RAD54L2: variants seen among roughly 807,000 people sequenced by gnomAD.
RAD54L2 encodes RAD54 like 2, also known as helicase ARIP4.
Under a neutral mutation model 138.4 loss-of-function variants are expected in RAD54L2, and 27 were observed. The observed-to-expected ratio is 0.20, with a 90% CI of 0.14 to 0.27. RAD54L2 has a LOEUF of 0.27. Ranked by LOEUF, RAD54L2 falls within the 10% of genes least tolerant of loss-of-function variation. The probability of loss-of-function intolerance (pLI) is 1.00; values close to 1 mark genes in which losing one functional copy is unlikely to be tolerated. For synonymous variants in RAD54L2, 644 were observed against 723.2 expected, an observed-to-expected ratio of 0.89 and a Z score of 1.76; for missense variants, 1,396 against 1,890.2, an observed-to-expected ratio of 0.74 and a Z score of 4.85.
At chr3:51,619,102 G>A (rs1656517897) in intron 3 of RAD54L2, among the ~76,000 whole-genome samples, 1 of 152,194 alleles carries the variant, frequency 6.6e-6, no homozygotes, top group South Asian at 2.1e-4. Flanking sequence ...CTGTTGCCCA[G>A]GCTGGAGTGC....
intron 3 of RAD54L2, among the ~76,000 whole-genome samples, chr3:51,595,263 C>T (rs1699936778): frequency 6.6e-6 from 1 of 152,114 alleles, no homozygotes; most frequent in Admixed American, 6.6e-5. Flanking sequence ...CAGGGAGGAT[C>T]AGTTAGGTCT....
intron 2 of RAD54L2, among the ~76,000 whole-genome samples, chr3:51,559,675 T>C (rs975500075): frequency 6.6e-6 from 1 of 152,222 alleles, no homozygotes; most frequent in African/African-American, 2.4e-5. Context: ...TGGGTAAAAC[T>C]GTATCCCAGC....
chr3:51,649,129 A>C (rs1701362212), intron 19 of RAD54L2, among the ~76,000 whole-genome samples: 1 of 152,046 alleles, frequency 6.6e-6, no homozygotes, highest in South Asian at 2.1e-4. Context: ...GGAGCTGAAA[A>C]CCATGGCACG....
rs529239049 is a variant in RAD54L2, at chr3:51,622,075, A to T, written c.140-5478A>T. 6.6e-5 allele frequency among the ~76,000 whole-genome samples: 10 copies of T among 152,324 alleles called. No individual in the cohort carries two copies. In the South Asian group the frequency reaches 2.1e-3, roughly 32 times the overall value. ...GGGGTAGAGGGCCAGAAAGAATGAT[A>T]GTTCTTTTAAAGGAAAACAGGGAAT... On this transcript the variant is annotated intron_variant, in intron 3 of 22. Coordinates refer to ENST00000684192, the MANE Select transcript of RAD54L2 (RefSeq NM_015106.4).
At chr3:51,572,385 G>A (rs1699356110) in intron 2 of RAD54L2, among the ~76,000 whole-genome samples, 1 of 151,518 alleles carries the variant, frequency 6.6e-6, no homozygotes, top group Non-Finnish European at 1.5e-5. Flanking sequence ...CCCAAAAGAT[G>A]GAGGCTGCAG....
At chr3:51,652,514 C>G (rs1701467719) in intron 19 of RAD54L2, among the ~76,000 whole-genome samples, 1 of 152,194 alleles carries the variant, frequency 6.6e-6, no homozygotes, top group Non-Finnish European at 1.5e-5. Flanking sequence ...ATCATGCTAC[C>G]TGACTTCAAA....
chr3:51,604,049 G>A (rs1301619816), intron 3 of RAD54L2, among the ~76,000 whole-genome samples: 1 of 152,186 alleles, frequency 6.6e-6, no homozygotes, highest in Non-Finnish European at 1.5e-5. Context: ...ATGATAGCTT[G>A]GTGGAGGTGG....
intron 2 of RAD54L2, among the ~76,000 whole-genome samples, chr3:51,589,270 C>T (rs760384063): frequency 3.9e-5 from 6 of 152,150 alleles, no homozygotes; most frequent in Non-Finnish European, 8.8e-5. Flanking sequence ...GTTGTATGTG[C>T]CTGTCGTCCT....
At chr3:51,591,426 G>A (rs967350478) in intron 3 of RAD54L2, among the ~76,000 whole-genome samples, 2 of 152,146 alleles carry the variant, frequency 1.3e-5, no homozygotes, top group African/African-American at 2.4e-5. Context: ...GTAGGAAAAT[G>A]TACTCCTGCC....
chr3:51,661,336 AAT>A (rs1249762353), intron 22 of RAD54L2, among the ~76,000 whole-genome samples: 2 of 152,228 alleles, frequency 1.3e-5, no homozygotes, highest in East Asian at 3.8e-4. Context: ...ACTCACCAGT[AAT>A]AGTTTATTCC....
At chr3:51,585,853 A>C (rs1699696327) in intron 2 of RAD54L2, among the ~76,000 whole-genome samples, 1 of 152,130 alleles carries the variant, frequency 6.6e-6, no homozygotes. Context: ...CAGAACTTGC[A>C]CTGTAAGAAC....
intron 2 of RAD54L2, among the ~76,000 whole-genome samples, chr3:51,585,196 A>C (rs1376954351): frequency 6.6e-6 from 1 of 152,162 alleles, no homozygotes; most frequent in East Asian, 1.9e-4. Flanking sequence ...AAGAAAAAAA[A>C]CAAGTCATTT....
At chr3:51,650,018 A>G (rs1701388145) in intron 19 of RAD54L2, among the ~76,000 whole-genome samples, 1 of 152,246 alleles carries the variant, frequency 6.6e-6, no homozygotes, top group Admixed American at 6.5e-5. Flanking sequence ...AACACCCATC[A>G]GTGTGCTGTA....
chr3:51,620,172 C>G (rs1700536975), intron 3 of RAD54L2, among the ~76,000 whole-genome samples: 1 of 151,792 alleles, frequency 6.6e-6, no homozygotes, highest in Non-Finnish European at 1.5e-5. Context: ...ACCTTGGCTC[C>G]CTGTAGCCTC....
intron 3 of RAD54L2, among the ~76,000 whole-genome samples, chr3:51,593,602 C>T (rs140962367): frequency 3.0e-4 from 46 of 152,126 alleles, no homozygotes; most frequent in Non-Finnish European, 5.9e-4. Flanking sequence ...AAAGTGCTGG[C>T]ATTACAGGCG....
chr3:51,633,723 C>A lies in RAD54L2; in HGVS notation c.972C>A (p.Arg324=), dbSNP rs1236836907. Residue 324 remains arginine, a synonymous_variant, in exon 8 of 23, where the codon CGC becomes CGA. Coordinates refer to ENST00000684192, the MANE Select transcript of RAD54L2 (RefSeq NM_015106.4). ...TCTCTTTCATCGACGTCCTCTTCCGCCACACGCCAGCCAAAACAGTCCTTG... is the reference window on the plus strand; with the variant it reads ...TCTCTTTCATCGACGTCCTCTTCCGACACACGCCAGCCAAAACAGTCCTTG... ...QVISFIDVLF[R]HTPAKTVLAI... is the part of the protein sequence containing the mutation. The A allele has an allele frequency of 1.9e-6, 3 of 1,613,820 alleles. No individual in the cohort carries two copies. The highest frequency in any genetic ancestry group is 2.5e-6 in the Non-Finnish European group (3 of 1,179,884).
chr3:51,581,892 A>G (rs936775403), intron 2 of RAD54L2, among the ~76,000 whole-genome samples: 12 of 151,262 alleles, frequency 7.9e-5, no homozygotes, highest in Admixed American at 4.6e-4. Context: ...TGTCCCTGCC[A>G]TGTGGGTTCT....
intron 3 of RAD54L2, among the ~76,000 whole-genome samples, chr3:51,622,496 C>G (rs1700587923): frequency 6.6e-6 from 1 of 152,128 alleles, no homozygotes; most frequent in Non-Finnish European, 1.5e-5. Context: ...GACCATTTCT[C>G]CTTTGCTTTT....
chr3:51,643,814 G>T lies in RAD54L2; in HGVS notation c.2351-61G>T, dbSNP rs1577454554. 4 of 1,289,708 alleles carry T rather than the reference G, an allele frequency of 3.1e-6. No homozygotes were observed. In the East Asian group the frequency reaches 7.5e-5, roughly 24 times the overall value. 79.9% of individuals were successfully genotyped at this position (1,289,708 alleles called of 1,614,324 possible). A position where few individuals can be genotyped will look rare whatever the true frequency, so the allele number is the denominator to read the frequency against. ...GCTCTTTAAAACATATTTGCCCAGT[G>T]ATTTTGCTGTATATCCTTGCTCTAA... On this transcript the variant is annotated intron_variant, in intron 15 of 22. Coordinates refer to ENST00000684192, the MANE Select transcript of RAD54L2 (RefSeq NM_015106.4).
Sources: gnomAD v4.1 joint callset for allele counts (sites outside exome capture counted in the v4.1 genomes callset) on GRCh38, gnomAD v4.1.1 for gene constraint, MANE v1.5 for transcripts, NCBI Gene and HGNC (gene_info 2026-07-23, HGNC 2026-07-21) for gene names.